The following THSD7B variants were observed in gnomAD, a reference collection of about 807,000 sequenced individuals.
THSD7B encodes thrombospondin type 1 domain containing 7B.
In THSD7B, 138 loss-of-function variants were observed where a neutral mutation model predicts 213.6. The ratio of observed to expected loss-of-function variants is 0.65; its 90% CI spans 0.56 to 0.74. The LOEUF (loss-of-function observed/expected upper bound fraction) is 0.74. Among genes scored for constraint, THSD7B ranks in the 30% least tolerant of loss-of-function variants. The probability of loss-of-function intolerance (pLI) is 0.00; values close to 1 mark genes in which losing one functional copy is unlikely to be tolerated. For missense variants in THSD7B, 1,931 were observed against 1,991.5 expected (o/e 0.97, Z 0.58); for synonymous variants, 742 against 687.0 (o/e 1.08, Z -1.25).
chr2:137,109,999 G>A lies in THSD7B; in HGVS notation c.1200-5125G>A, dbSNP rs949698119. On this transcript the variant is annotated intron_variant, in intron 4 of 27. Coordinates refer to ENST00000409968, the MANE Select transcript of THSD7B (RefSeq NM_001316349.2). ...GGCACTCTGCCTCCCTGGGGACTTT[G>A]GACAGGCTGCCCTTTTCTCTGCCCA... Among the ~76,000 whole-genome samples the A allele has an allele frequency of 3.3e-5, 5 of 152,124 alleles. No individual in the cohort carries two copies. In the South Asian group the frequency reaches 1.0e-3, roughly 32 times the overall value.
At chr2:136,990,974 A>T in intron 2 of THSD7B, 1 of 1,314,892 alleles carries the variant, frequency 7.6e-7, no homozygotes. Context: ...AAGACATCAA[A>T]ACTATCACAT....
chr2:137,482,477 A>G (rs1418027858), intron 15 of THSD7B, among the ~76,000 whole-genome samples: 1 of 152,208 alleles, frequency 6.6e-6, no homozygotes, highest in Non-Finnish European at 1.5e-5. Context: ...TGAATGTGGC[A>G]TAGCATATTT....
intron 12 of THSD7B, among the ~76,000 whole-genome samples, chr2:137,364,253 T>C (rs1685349377): frequency 6.6e-6 from 1 of 152,118 alleles, no homozygotes; most frequent in East Asian, 1.9e-4. Context: ...CTCAAAATAA[T>C]AAGAGCTATT....
At chr2:136,871,406 A>C (rs1319329632) in intron 1 of THSD7B, among the ~76,000 whole-genome samples, 2 of 152,186 alleles carry the variant, frequency 1.3e-5, no homozygotes, top group Non-Finnish European at 2.9e-5. Flanking sequence ...AGAGGTTAAA[A>C]TGAGAAAGAC....
At position 137,642,480 on chromosome 2, in the gene THSD7B, C is replaced by A. The variant is rs1203857562; in HGVS notation, c.3800-8C>A. On this transcript the variant is annotated splice_polypyrimidine_tract_variant and splice_region_variant and intron_variant, in intron 20 of 27. Transcript: ENST00000409968. ...ACTGAAAAGCTGACACCTCCCTTAT[C>A]ATTTTAGGTCGAATGAGCCGGACTC... 2 of 1,613,162 alleles carry A rather than the reference C, an allele frequency of 1.2e-6. No homozygotes were observed. The highest frequency in any genetic ancestry group is 2.2e-5 in the South Asian group (2 of 90,912).
At chr2:137,525,267 T>C (rs1411411291) in intron 15 of THSD7B, among the ~76,000 whole-genome samples, 1 of 152,200 alleles carries the variant, frequency 6.6e-6, no homozygotes, top group African/African-American at 2.4e-5. Context: ...TAGCTGTCTC[T>C]TTCTGACCCC....
chr2:137,397,049 T>C (rs1686210660), intron 12 of THSD7B, among the ~76,000 whole-genome samples: 1 of 145,378 alleles, frequency 6.9e-6, no homozygotes, highest in African/African-American at 2.5e-5. Flanking sequence ...ATTTTGAGCC[T>C]ATGTGTGTCT....
intron 21 of THSD7B, among the ~76,000 whole-genome samples, chr2:137,646,991 G>T (rs1443732551): frequency 6.6e-6 from 1 of 152,080 alleles, no homozygotes; most frequent in Non-Finnish European, 1.5e-5. Flanking sequence ...ATGTTAAGAA[G>T]CTTTATGAGC....
intron 1 of THSD7B, among the ~76,000 whole-genome samples, chr2:136,831,055 C>A (rs761869086): frequency 3.3e-5 from 5 of 149,440 alleles, no homozygotes; most frequent in Non-Finnish European, 5.9e-5. Context: ...TCTTCTCAAT[C>A]TTTTGGAACT....
At chr2:137,369,167 A>T (rs113230970) in intron 12 of THSD7B, among the ~76,000 whole-genome samples, 6,416 of 149,894 alleles carry the variant, frequency 0.043, 279 homozygotes, top group African/African-American at 0.1. Context: ...ATATATATAT[A>T]TTTTTGACAA....
At chr2:137,658,477 C>A (rs1446985432) in intron 24 of THSD7B, among the ~76,000 whole-genome samples, 3 of 152,150 alleles carry the variant, frequency 2.0e-5, no homozygotes, top group Non-Finnish European at 4.4e-5. Flanking sequence ...AAAATATGTT[C>A]TATAACCTAT....
intron 12 of THSD7B, among the ~76,000 whole-genome samples, chr2:137,368,252 T>G (rs1345362598): frequency 6.6e-6 from 1 of 151,382 alleles, no homozygotes; most frequent in East Asian, 1.9e-4. Flanking sequence ...TTAACCCAAA[T>G]CTCTAGATTT....
intron 12 of THSD7B, among the ~76,000 whole-genome samples, chr2:137,279,357 G>A (rs777111259): frequency 6.6e-6 from 1 of 151,858 alleles, no homozygotes; most frequent in African/African-American, 2.4e-5. Context: ...ACAATATAAC[G>A]AGACCCTGTC....
chr2:136,999,898 T>C (rs1337122640), intron 2 of THSD7B, among the ~76,000 whole-genome samples: 1 of 152,152 alleles, frequency 6.6e-6, no homozygotes, highest in Non-Finnish European at 1.5e-5. Flanking sequence ...ATTTTGGAAA[T>C]GGATGGAGAG....
chr2:136,862,987 C>T (rs1035031076), intron 1 of THSD7B, among the ~76,000 whole-genome samples: 7 of 152,188 alleles, frequency 4.6e-5, no homozygotes, highest in Non-Finnish European at 7.3e-5. Flanking sequence ...CTATTGCTTA[C>T]GCTTTCTCTC....
intron 2 of THSD7B, among the ~76,000 whole-genome samples, chr2:136,991,445 C>A (rs760244955): frequency 6.6e-6 from 1 of 151,928 alleles, no homozygotes; most frequent in Admixed American, 6.6e-5. Flanking sequence ...AAAAAGAGAG[C>A]GAGAGAGAGT....
At chr2:136,983,377 A>ACACACACACACACACTCACT (rs1342830898) in intron 2 of THSD7B, among the ~76,000 whole-genome samples, 1 of 146,302 alleles carries the variant, frequency 6.8e-6, no homozygotes, top group Non-Finnish European at 1.5e-5. Flanking sequence ...ACACGCACAC[A>ACACACACACACACACTCACT]CACTCACTCT....
intron 2 of THSD7B, among the ~76,000 whole-genome samples, chr2:136,936,099 G>T (rs142549547): frequency 4.0e-5 from 6 of 151,610 alleles, no homozygotes; most frequent in Non-Finnish European, 8.8e-5. Context: ...CCCATTTAAT[G>T]CAAATCAAAA....
chr2:136,993,211 G>A (rs2104817439), intron 2 of THSD7B, among the ~76,000 whole-genome samples: 1 of 152,308 alleles, frequency 6.6e-6, no homozygotes, highest in South Asian at 2.1e-4. Context: ...TTGAGTGCTT[G>A]TATCATTGTC....
Sources: gnomAD v4.1 joint callset for allele counts (sites outside exome capture counted in the v4.1 genomes callset) on GRCh38, gnomAD v4.1.1 for gene constraint, MANE v1.5 for transcripts, NCBI Gene and HGNC (gene_info 2026-07-23, HGNC 2026-07-21) for gene names.